Variants in CDH22 observed in about 807,000 individuals in gnomAD.
CDH22 encodes the protein cadherin-22.
In CDH22, 30 loss-of-function variants were observed where a neutral mutation model predicts 58.4. That is an observed-to-expected ratio of 0.51 (90% confidence interval 0.38 to 0.70). The LOEUF (loss-of-function observed/expected upper bound fraction) is 0.70. CDH22 is among the 30% of genes least tolerant of loss of function. The probability of loss-of-function intolerance (pLI) is 0.00; values close to 1 mark genes in which losing one functional copy is unlikely to be tolerated. For missense variants in CDH22, 1,014 were observed against 1,233.9 expected (o/e 0.82, Z 2.67); for synonymous variants, 513 against 558.2 (o/e 0.92, Z 1.14).
At chr20:46,232,158 A>AT (rs1296699680) in intron 3 of CDH22, among the ~76,000 whole-genome samples, 3 of 152,082 alleles carry the variant, frequency 2.0e-5, no homozygotes, top group Non-Finnish European at 4.4e-5. Flanking sequence ...CCAGGCCAGA[A>AT]TTCTTTTTTT....
At chr20:46,198,845 C>T (rs957068366) in intron 8 of CDH22, among the ~76,000 whole-genome samples, 8 of 152,086 alleles carry the variant, frequency 5.3e-5, no homozygotes, top group Non-Finnish European at 1.2e-4. Context: ...TGACTCCCTC[C>T]CCTTTTGAGG....
intron 1 of CDH22, among the ~76,000 whole-genome samples, chr20:46,256,927 G>A (rs550820569): frequency 6.6e-6 from 1 of 151,296 alleles, no homozygotes; most frequent in African/African-American, 2.4e-5. Context: ...GATTGCTTGA[G>A]CCCAGGACTT....
intron 1 of CDH22, among the ~76,000 whole-genome samples, chr20:46,292,050 G>C (rs1488467448): frequency 6.6e-6 from 1 of 152,222 alleles, no homozygotes. Flanking sequence ...GCTCCAGACA[G>C]TAGGCAAAGG....
intron 7 of CDH22, 137 bp from the exon 8 acceptor site, chr20:46,199,696 C>T: frequency 9.2e-7 from 1 of 1,081,246 alleles, no homozygotes; most frequent in South Asian, 1.7e-5. Context: ...CCCTTGCGAC[C>T]GAGGAGGAGC....
intron 11 of CDH22, among the ~76,000 whole-genome samples, chr20:46,175,303 G>A (rs1211771787): frequency 6.6e-6 from 1 of 152,172 alleles, no homozygotes. Context: ...TGCAAATCGA[G>A]GCTAGATTAC....
Position 46,210,631 on chromosome 20 carries a change from C to T in CDH22, c.1033-71G>A. The T allele has an allele frequency of 7.3e-7, 1 of 1,361,678 alleles. No homozygotes were observed. The highest frequency in any genetic ancestry group is 9.6e-7 in the Non-Finnish European group (1 of 1,042,526). The allele number at this position is 1,361,678 out of a possible 1,614,324, so 84.3% of individuals were successfully genotyped here. ...ACACTGAGGCCTTCACGAGGGAGGC[C>T]AAGGCAGGCGGGGTTGGCCCAAGGT... On this transcript the variant is annotated intron_variant, in intron 6 of 11. Transcript: ENST00000537909. This position sits in a 1 kb window ranked among gnomAD's most constrained non-coding sequence, Gnocchi z 4.5.
At chr20:46,279,392 C>T (rs12480792) in intron 1 of CDH22, among the ~76,000 whole-genome samples, 35,855 of 151,796 alleles carry the variant, frequency 0.24, 4,362 homozygotes, top group South Asian at 0.36. Context: ...ACGGGTCCAT[C>T]GCTAAGGGAG....
chr20:46,246,133 T>A (rs1249077715), intron 2 of CDH22, among the ~76,000 whole-genome samples: 3 of 152,230 alleles, frequency 2.0e-5, no homozygotes, highest in Admixed American at 1.3e-4. Context: ...CAAAATTAAA[T>A]GTGAGCATAG....
intron 1 of CDH22, among the ~76,000 whole-genome samples, chr20:46,275,686 G>A (rs1275462829): frequency 6.6e-6 from 1 of 151,972 alleles, no homozygotes; most frequent in Non-Finnish European, 1.5e-5. Context: ...AACAAACGTT[G>A]TCTGAACACC....
At chr20:46,203,364 C>T (rs1234943480) in intron 7 of CDH22, among the ~76,000 whole-genome samples, 1 of 151,824 alleles carries the variant, frequency 6.6e-6, no homozygotes, top group East Asian at 1.9e-4. Context: ...GTGCAGCTCA[C>T]GTGTAGTGCT....
chr20:46,204,798 G>T (rs1434936891), intron 7 of CDH22, among the ~76,000 whole-genome samples: 1 of 152,154 alleles, frequency 6.6e-6, no homozygotes, highest in East Asian at 1.9e-4. Context: ...TCAAGGTTAG[G>T]GTGGAGAAAA....
intron 2 of CDH22, among the ~76,000 whole-genome samples, chr20:46,242,985 A>G (rs3915736): frequency 0.28 from 41,879 of 152,018 alleles, 5,936 homozygotes; most frequent in African/African-American, 0.36. Context: ...CTAAGTCCTT[A>G]TCTTCCAATG....
chr20:46,236,649 A>ATATCTATCTATC lies in CDH22; in HGVS notation c.550+4302_550+4313dup, dbSNP rs3082934. 3.3e-3 allele frequency among the ~76,000 whole-genome samples: 450 copies of ATATCTATCTATC among 135,830 alleles called. 1 individual carries two copies. Among genetic ancestry groups the ATATCTATCTATC allele is most frequent in the Non-Finnish European group, 4.3e-3 (280 of 64,904 alleles). 89.1% of individuals were successfully genotyped at this position (135,830 alleles called of 152,430 possible). ...TATATTTGTATATATTTATATATTA[A>ATATCTATCTATC]TATCTATCTATCTATCTATCTATCT... On this transcript the variant is annotated intron_variant, in intron 3 of 11. Coordinates refer to ENST00000537909, the MANE Select transcript of CDH22 (RefSeq NM_021248.3).
chr20:46,247,137 A>C (rs1480247924), intron 2 of CDH22, among the ~76,000 whole-genome samples: 1 of 152,122 alleles, frequency 6.6e-6, no homozygotes, highest in East Asian at 1.9e-4. Context: ...TAGATGGTAC[A>C]CTCAAGATGG....
chr20:46,220,793 A>G (rs112899655), intron 4 of CDH22: 26 of 152,412 alleles, frequency 1.7e-4, no homozygotes, highest in African/African-American at 5.1e-4. Flanking sequence ...TGTGGTGTGT[A>G]GGATTCAGGT....
rs773793973 is a variant in CDH22 at position 46,174,991 on chromosome 20, T to G, written c.2002A>C (p.Ile668Leu). The G allele has an allele frequency of 3.1e-6, 5 of 1,608,136 alleles. No homozygotes were observed. The highest frequency in any genetic ancestry group is 4.2e-6 in the Non-Finnish European group (5 of 1,179,576). The change falls in exon 12 of 12, where the codon ATC becomes CTC. Residue 668 changes from isoleucine to leucine, a missense_variant. Around this residue, in one of 2 missense-constraint regions of CDH22, gnomAD observed 806 missense variants for 1,038.7 expected, o/e 0.78. Transcript: ENST00000537909. The surrounding 1 kb of genome is among the most constrained non-coding windows in gnomAD (Gnocchi z 4.4). ...DEDEDMRDNV[I>L]KYNDEGGGEQ... is the part of the protein sequence containing the mutation. ...CCGCCGCCTTCGTCGTTGTATTTGATGACGTTGTCCCGCATGTCTTCATCC... is the reference window on the plus strand; with the variant it reads ...CCGCCGCCTTCGTCGTTGTATTTGAGGACGTTGTCCCGCATGTCTTCATCC...
intron 1 of CDH22, among the ~76,000 whole-genome samples, chr20:46,253,860 G>A (rs906485863): frequency 1.3e-5 from 2 of 152,194 alleles, no homozygotes; most frequent in Non-Finnish European, 2.9e-5. Flanking sequence ...CACTTCTGGA[G>A]AGGGCTGTGG....
intron 1 of CDH22, among the ~76,000 whole-genome samples, chr20:46,284,966 C>A (rs990803143): frequency 2.6e-5 from 4 of 152,192 alleles, no homozygotes; most frequent in African/African-American, 9.7e-5. Context: ...CTCATTCCTG[C>A]CTCTCCATCT....
At chr20:46,258,930 G>T (rs2086419036) in intron 1 of CDH22, among the ~76,000 whole-genome samples, 1 of 152,340 alleles carries the variant, frequency 6.6e-6, no homozygotes, top group South Asian at 2.1e-4. Context: ...AGGGTGACAG[G>T]GTTGGGTGGT....
Sources: gnomAD v4.1 joint callset for allele counts (sites outside exome capture counted in the v4.1 genomes callset) on GRCh38, gnomAD v4.1.1 for gene constraint, gnomAD v4.1.1 regional missense constraint, Gnocchi (gnomAD v3.1) non-coding constraint, MANE v1.5 for transcripts, NCBI Gene and HGNC (gene_info 2026-07-23, HGNC 2026-07-21) for gene names.